The following SNX20 variants were observed in gnomAD, a reference collection of about 807,000 sequenced individuals.
SNX20 encodes sorting nexin 20.
SNX20 carries 21 observed loss-of-function variants against 24.5 expected under a neutral mutation model. The observed-to-expected ratio is 0.86, with a 90% CI of 0.61 to 1.23. SNX20 has a LOEUF of 1.23. Among genes scored for constraint, SNX20 ranks in the 50% most tolerant of loss-of-function variants. The pLI is 0.00. For missense variants in SNX20, 433 were observed against 430.8 expected (o/e 1.00, Z -0.04); for synonymous variants, 206 against 192.8 (o/e 1.07, Z -0.57).
At position 50,677,485 on chromosome 16, in the gene SNX20, T is replaced by A. The variant is rs1567371123; in HGVS notation, c.42A>T (p.Gly14=). The A allele has an allele frequency of 6.2e-7, 1 of 1,607,122 alleles. No individual in the cohort carries two copies. The highest frequency in any genetic ancestry group is 2.3e-5 in the East Asian group (1 of 44,382). Residue 14 remains glycine, a synonymous_variant, in exon 2 of 4, where the codon GGA becomes GGT. Coordinates refer to ENST00000330943, the MANE Select transcript of SNX20 (RefSeq NM_182854.4). ...PEHPGSPGCM[G]PITQCTARTQ... is the part of the protein sequence containing the mutation. The stretch of plus-strand genomic sequence containing the variant: ...TCCTTGCCGTGCACTGGGTTATGGG[T>A]CCCATGCAGCCAGGGCTCCCAGGGT...
intron 2 of SNX20, among the ~76,000 whole-genome samples, chr16:50,677,128 T>C (rs953954625): frequency 3.3e-5 from 5 of 152,206 alleles, no homozygotes; most frequent in Admixed American, 6.5e-5. Flanking sequence ...GGGGTTGAGC[T>C]TCAGCCACCT....
chr16:50,679,844 C>G (rs934373127), intron 1 of SNX20, among the ~76,000 whole-genome samples: 1 of 152,212 alleles, frequency 6.6e-6, no homozygotes, highest in African/African-American at 2.4e-5. Context: ...CACTCCTATG[C>G]TCAGCACTTC....
At position 50,677,406 on chromosome 16, in the gene SNX20, C is replaced by G. The variant is rs372995677; in HGVS notation, c.121G>C (p.Gly41Arg). The stretch of plus-strand genomic sequence containing the variant: ...CAAGCCTCAAGCCCACCTAAGTGCC[C>G]GTCAGGTCCTGGGTGCGGGAGGTCG... ...GPDLPHPGPD[G>R]HLDTHSGLSS... The change falls in exon 2 of 4, where the codon GGG becomes CGG. Residue 41 changes from glycine (G) to arginine (R), a missense_variant. Physicochemically the swap from Gly to Arg is moderately radical, Grantham distance 125. Coordinates refer to ENST00000330943, the MANE Select transcript of SNX20 (RefSeq NM_182854.4). 3.1e-6 allele frequency: 5 copies of G among 1,592,784 alleles called. No individual in the cohort carries two copies. Among genetic ancestry groups the G allele is most frequent in the African/African-American group, 1.4e-5 (1 of 73,652 alleles).
At chr16:50,680,470 C>A (rs929284617) in intron 1 of SNX20, among the ~76,000 whole-genome samples, 1 of 152,160 alleles carries the variant, frequency 6.6e-6, no homozygotes, top group African/African-American at 2.4e-5. Context: ...TCCTCCTGTC[C>A]CCAGGTGTCC....
intron 3 of SNX20, among the ~76,000 whole-genome samples, chr16:50,674,442 C>T (rs1397093012): frequency 2.0e-5 from 3 of 151,998 alleles, no homozygotes; most frequent in African/African-American, 7.3e-5. Context: ...AAGATGGGGT[C>T]TGGCTGTGTT....
intron 3 of SNX20, among the ~76,000 whole-genome samples, chr16:50,675,255 C>A (rs1963155810): frequency 6.6e-6 from 1 of 152,224 alleles, no homozygotes; most frequent in Non-Finnish European, 1.5e-5. Flanking sequence ...TTTCCCGAAG[C>A]CACAGTAACC....
intron 1 of SNX20, among the ~76,000 whole-genome samples, 168 bp from the exon 2 acceptor site, chr16:50,677,703 G>A (rs1038480723): frequency 2.0e-5 from 3 of 152,192 alleles, no homozygotes; most frequent in African/African-American, 7.2e-5. Context: ...CCCAAATCTG[G>A]GTCTGCCCCT....
At chr16:50,666,974 T>G (rs1281695387), downstream of SNX20, 2 of 149,306 alleles carry the variant, frequency 1.3e-5, no homozygotes, top group African/African-American at 2.5e-5. Flanking sequence ...AGGTGACAAG[T>G]GTGGGTCCTT....
At chr16:50,668,049 T>C, downstream of SNX20, 2 of 1,551,554 alleles carry the variant, frequency 1.3e-6, no homozygotes, top group Non-Finnish European at 1.7e-6. Flanking sequence ...AGCCTACGGG[T>C]TGAAAGCCAA....
chr16:50,668,568 GA>G (rs1323134210), downstream of SNX20: 1 of 1,014,952 alleles, frequency 9.9e-7, no homozygotes, highest in East Asian at 9.3e-5. Flanking sequence ...CTGCTCAAAG[GA>G]AAACAGCTGG....
At position 50,673,842 on chromosome 16, in the gene SNX20, C is replaced by T. The variant is rs778094287; in HGVS notation, c.515G>A (p.Arg172His). 3.1e-6 allele frequency: 5 copies of T among 1,600,628 alleles called. No homozygotes were observed. The Admixed American group carries it at 8.4e-5, about 27-fold the overall frequency. ...QEYLGLLYAI[R>H]CVRRSREFLD... Reference sequence around the variant, plus strand: ...GAACTCCCGGGAGCGGCGCACGCAGCGGATGGCGTAGAGCAGGCCCAGGTA... The same window carrying T: ...GAACTCCCGGGAGCGGCGCACGCAGTGGATGGCGTAGAGCAGGCCCAGGTA... The change falls in exon 4 of 4, where the codon CGC becomes CAC. Residue 172 changes from arginine to histidine, a missense_variant. Physicochemically the swap from Arg to His is conservative, Grantham distance 29 (BLOSUM62 0). Coordinates refer to ENST00000330943, the MANE Select transcript of SNX20 (RefSeq NM_182854.4). The surrounding 1 kb of genome is among the most constrained non-coding windows in gnomAD (Gnocchi z 4.1).
chr16:50,678,741 G>A (rs574617852), intron 1 of SNX20, among the ~76,000 whole-genome samples: 25 of 152,302 alleles, frequency 1.6e-4, no homozygotes, highest in African/African-American at 5.5e-4. Flanking sequence ...CCGGATAAGT[G>A]GAAGGGATGA....
intron 3 of SNX20, 119 bp from the exon 4 acceptor site, chr16:50,674,193 T>C (rs1963129889): frequency 2.5e-6 from 3 of 1,211,102 alleles, no homozygotes; most frequent in Admixed American, 3.4e-5. Flanking sequence ...CGGGCGATCC[T>C]TATATGCAAT....
In SNX20 at chr16:50,674,225, G is replaced by A. The variant is rs138463058; in HGVS notation, c.283-151C>T. 2,343 of 884,552 alleles carry A rather than the reference G, an allele frequency of 2.6e-3. 29 individuals carry two copies. In the East Asian group the frequency reaches 0.035, roughly 13 times the overall value. The allele number at this position is 884,552 out of a possible 1,614,324, so 54.8% of individuals were successfully genotyped here. ...CAATTGTTTGTTTGTTTGTTTGTTT[G>A]TTTGTTTATTTATTTATTTATTTAT... On this transcript the variant is annotated intron_variant, in intron 3 of 3. Transcript: ENST00000330943.
At chr16:50,668,259 A>C, downstream of SNX20, 1 of 1,421,994 alleles carries the variant, frequency 7.0e-7, no homozygotes, top group Non-Finnish European at 9.2e-7. Flanking sequence ...CTCCTTTTGC[A>C]GGACAACATT....
At chr16:50,677,260 C>G (rs986623492) in intron 2 of SNX20, 137 bp downstream of exon 2, 2 of 1,148,450 alleles carry the variant, frequency 1.7e-6, no homozygotes, top group African/African-American at 3.2e-5. Flanking sequence ...AGATCTGTGT[C>G]TCAGTGTCTG....
At chr16:50,676,259 CG>C (rs1963180858) in intron 2 of SNX20, among the ~76,000 whole-genome samples, 2 of 151,898 alleles carry the variant, frequency 1.3e-5, no homozygotes, top group South Asian at 4.2e-4. Flanking sequence ...CAAGCAGAGA[CG>C]GTGGCTTGTG....
chr16:50,668,613 C>A, downstream of SNX20: 2 of 1,016,602 alleles, frequency 2.0e-6, no homozygotes, highest in Non-Finnish European at 1.2e-6. Flanking sequence ...ATTGTTGGGC[C>A]CCAGAGGGAA....
rs1207949093 is a variant in SNX20 at position 50,672,620 on chromosome 16, A to G, written c.*786T>C. 6.6e-6 allele frequency: 1 copy of G among 152,074 alleles called. No homozygotes were observed. The highest frequency in any genetic ancestry group is 1.5e-5 in the Non-Finnish European group (1 of 68,062). 9.4% of individuals were successfully genotyped at this position (152,074 alleles called of 1,614,324 possible). On this transcript the variant is annotated 3_prime_UTR_variant, in exon 4 of 4. Coordinates refer to ENST00000330943, the MANE Select transcript of SNX20 (RefSeq NM_182854.4). The stretch of plus-strand genomic sequence containing the variant: ...CATGGTAAGGGGGAAGGGCTAGAAT[A>G]CTAAGATAGTATTAGGATAATGGAT...
Sources: gnomAD v4.1 joint callset for allele counts (sites outside exome capture counted in the v4.1 genomes callset) on GRCh38, gnomAD v4.1.1 for gene constraint, Gnocchi (gnomAD v3.1) non-coding constraint, MANE v1.5 for transcripts, NCBI Gene and HGNC (gene_info 2026-07-23, HGNC 2026-07-21) for gene names.